COL12A1: variants seen among roughly 807,000 people sequenced by gnomAD.
COL12A1 encodes collagen type XII alpha 1 chain, also known as collagen alpha-1(XII) chain.
A neutral mutation model predicts 349.7 loss-of-function variants in COL12A1; 114 were observed. That is an observed-to-expected ratio of 0.33 (90% CI 0.28 to 0.38). COL12A1 has a LOEUF of 0.38. COL12A1 is among the 10% of genes least tolerant of loss of function. The probability of loss-of-function intolerance (pLI) is 1.00; values close to 1 mark genes in which losing one functional copy is unlikely to be tolerated. For missense variants in COL12A1, 3,284 were observed against 3,756.9 expected (o/e 0.87, Z 3.29); for synonymous variants, 1,369 against 1,329.0 (o/e 1.03, Z -0.66).
chr6:75,161,804 A>G (rs1768040812), intron 14 of COL12A1, among the ~76,000 whole-genome samples: 1 of 152,242 alleles, frequency 6.6e-6, no homozygotes, highest in South Asian at 2.1e-4. Context: ...CAACTTCAGC[A>G]AAGTCTCAGG....
chr6:75,157,513 C>T (rs1405235951), intron 14 of COL12A1, among the ~76,000 whole-genome samples: 1 of 151,742 alleles, frequency 6.6e-6, no homozygotes, highest in South Asian at 2.1e-4. Context: ...GGACACTGAT[C>T]CCTAAGAGAG....
intron 2 of COL12A1, among the ~76,000 whole-genome samples, chr6:75,197,435 C>T (rs1770289409): frequency 6.6e-6 from 1 of 151,872 alleles, no homozygotes; most frequent in Non-Finnish European, 1.5e-5. Context: ...GCCTCAGCCT[C>T]CTGAGTAGCA....
intron 22 of COL12A1, 144 bp from the exon 23 acceptor site, chr6:75,147,948 A>T (rs982383238): frequency 1.7e-5 from 15 of 891,486 alleles, no homozygotes; most frequent in Admixed American, 8.7e-5. Context: ...AAACTATCAG[A>T]TTACAATGAG....
intron 2 of COL12A1, among the ~76,000 whole-genome samples, chr6:75,196,285 T>A (rs76330504): frequency 6.6e-6 from 1 of 152,334 alleles, no homozygotes; most frequent in African/African-American, 2.4e-5. Flanking sequence ...AATTTTTGCA[T>A]CTGTTTTGAG....
intron 34 of COL12A1, among the ~76,000 whole-genome samples, chr6:75,132,664 A>G (rs923805185): frequency 6.6e-5 from 10 of 152,216 alleles, no homozygotes; most frequent in Non-Finnish European, 7.3e-5. Context: ...CTAATTCCAA[A>G]CTCTAATTTA....
intron 36 of COL12A1, among the ~76,000 whole-genome samples, chr6:75,130,523 A>C (rs375890185): frequency 1.6e-4 from 24 of 152,292 alleles, no homozygotes; most frequent in African/African-American, 5.8e-4. Context: ...CATAAAGACT[A>C]AACCCTCACA....
intron 14 of COL12A1, among the ~76,000 whole-genome samples, chr6:75,163,361 A>G (rs1379070111): frequency 6.6e-6 from 1 of 152,228 alleles, no homozygotes; most frequent in African/African-American, 2.4e-5. Context: ...TGTCCTTTGC[A>G]AGGACATGGA....
chr6:75,138,485 C>T lies in COL12A1; in HGVS notation c.5193G>A (p.Glu1731=). The T allele has an allele frequency of 1.9e-6, 3 of 1,613,998 alleles. No individual in the cohort carries two copies. The highest frequency in any genetic ancestry group is 2.5e-6 in the Non-Finnish European group (3 of 1,179,924). Residue 1731 remains glutamate (E), a synonymous_variant, in exon 29 of 66, where the codon GAG becomes GAA. Transcript: ENST00000322507. The part of the protein sequence containing the change: ...EVSITAIYPD[E]SESDDLIGSE... ...TGCCAATCAGGTCATCACTTTCTGA[C>T]TCATCAGGATAGATGGCAGTAATGG...
intron 58 of COL12A1, among the ~76,000 whole-genome samples, chr6:75,100,548 C>T (rs1768259482): frequency 1.3e-5 from 2 of 152,160 alleles, no homozygotes; most frequent in Admixed American, 6.5e-5. Context: ...GAACTACCTC[C>T]ACATCCCATA....
At chr6:75,127,513 G>A (rs1766076412) in intron 38 of COL12A1, among the ~76,000 whole-genome samples, 1 of 152,176 alleles carries the variant, frequency 6.6e-6, no homozygotes. Context: ...TGAATGAAGT[G>A]TAAAACAGCA....
At chr6:75,133,498 C>A (rs2149387498) in intron 33 of COL12A1, 76 bp from the exon 34 acceptor site, 1 of 1,424,632 alleles carries the variant, frequency 7.0e-7, no homozygotes, top group South Asian at 1.4e-5. Flanking sequence ...TAACACAATA[C>A]CAACTCAAGA....
intron 27 of COL12A1, among the ~76,000 whole-genome samples, chr6:75,141,382 G>A (rs546905313): frequency 3.9e-5 from 6 of 152,288 alleles, no homozygotes; most frequent in South Asian, 4.1e-4. Context: ...AAATACTATG[G>A]AGAAACCATG....
chr6:75,197,338 G>T, intron 2 of COL12A1, among the ~76,000 whole-genome samples: 1 of 146,532 alleles, frequency 6.8e-6, no homozygotes. Flanking sequence ...TTGAGACGGA[G>T]TTTCGCTCTT....
Position 75,189,302 on chromosome 6 carries a change from A to G in COL12A1, c.738T>C (p.Ile246=), listed in dbSNP as rs1769800656. 1 of 1,613,074 alleles carries G rather than the reference A, an allele frequency of 6.2e-7. No homozygotes were observed. Among genetic ancestry groups the G allele is most frequent in the South Asian group, 1.1e-5 (1 of 91,038 alleles). The change falls in exon 7 of 66, where the codon ATT becomes ATC. Residue 246 remains isoleucine (I), a synonymous_variant. Transcript: ENST00000322507. ...GARVGFPKVA[I]IITDGKSQDE... The stretch of plus-strand genomic sequence containing the variant: ...CCTGGGATTTTCCATCCGTAATAAT[A>G]ATTGCCACTTTAGGAAAGCCAACTC...
chr6:75,159,721 G>A lies in COL12A1; in HGVS notation c.2984-3198C>T, dbSNP rs74600454. Reference sequence around the variant, plus strand: ...TCTCTCTCTTACAAAATTTTTAAACGAATTTCACACAACTCAGAATTTAGA... The same window carrying A: ...TCTCTCTCTTACAAAATTTTTAAACAAATTTCACACAACTCAGAATTTAGA... On this transcript the variant is annotated intron_variant, in intron 14 of 65. Coordinates refer to ENST00000322507, the MANE Select transcript of COL12A1 (RefSeq NM_004370.6). 4.7e-3 allele frequency among the ~76,000 whole-genome samples: 709 copies of A among 151,050 alleles called. 7 individuals are homozygous for A. Among genetic ancestry groups the A allele is most frequent in the African/African-American group, 0.017 (682 of 41,320 alleles).
chr6:75,128,512 CAGTAAT>C (rs1766129860), intron 37 of COL12A1, 87 bp from the exon 38 acceptor site: 2 of 1,136,244 alleles, frequency 1.8e-6, no homozygotes, highest in South Asian at 2.9e-5. Flanking sequence ...TTCCCATAAA[CAGTAAT>C]AGTAGTTTTT....
At chr6:75,204,146 C>G (rs1770661646) in intron 1 of COL12A1, among the ~76,000 whole-genome samples, 1 of 152,308 alleles carries the variant, frequency 6.6e-6, no homozygotes, top group Middle Eastern at 3.4e-3. Context: ...TCTAAGGGGT[C>G]TAGCAATTTC....
Position 75,089,896 on chromosome 6 carries a change from A to G in COL12A1, c.8941+214T>C, listed in dbSNP as rs538791975. On this transcript the variant is annotated intron_variant, in intron 63 of 65. Transcript: ENST00000322507. ...AAAACAACAAAAGTCAGAAAATAGC[A>G]TTATCTTTACTGAGATCTGATAAAA... Among the ~76,000 whole-genome samples the G allele has an allele frequency of 3.3e-5, 5 of 152,276 alleles. No individual in the cohort carries two copies. The South Asian group carries it at 1.0e-3, about 32-fold the overall frequency.
Position 75,090,243 on chromosome 6 carries a change from G to A in COL12A1, c.8808C>T (p.Ser2936=). The change falls in exon 63 of 66, where the codon TCC becomes TCT. Residue 2936 remains serine, a synonymous_variant. Transcript: ENST00000322507. The surrounding 1 kb of genome is among the most constrained non-coding windows in gnomAD (Gnocchi z 4.1). ...MLNQIPNDYQ[S]SRNQPGPPGP... is the part of the protein sequence containing the mutation. Reference sequence around the variant, plus strand: ...CCGGCGGGCCTGGCTGGTTGCGACTGGACTGGTAATCATTTGGAATCTGAT... The same window carrying A: ...CCGGCGGGCCTGGCTGGTTGCGACTAGACTGGTAATCATTTGGAATCTGAT... 1.2e-6 allele frequency: 2 copies of A among 1,613,826 alleles called. No homozygotes were observed. The highest frequency in any genetic ancestry group is 1.7e-6 in the Non-Finnish European group (2 of 1,179,800).
Sources: allele counts gnomAD v4.1 joint callset (sites outside exome capture counted in the v4.1 genomes callset), GRCh38; gene constraint gnomAD v4.1.1; non-coding constraint Gnocchi (gnomAD v3.1); transcripts MANE v1.5; gene names NCBI Gene and HGNC (gene_info 2026-07-23, HGNC 2026-07-21).